The following GALNT9 variants were observed in gnomAD, a reference collection of about 807,000 sequenced individuals.
GALNT9 encodes the protein polypeptide N-acetylgalactosaminyltransferase 9, also known as GalNAc transferase 9.
In GALNT9, 47 loss-of-function variants were observed where a neutral mutation model predicts 63.1. The ratio of observed to expected loss-of-function variants is 0.75; its 90% CI spans 0.59 to 0.95. GALNT9 has a LOEUF of 0.95. Among genes scored for constraint, GALNT9 ranks in the 40% least tolerant of loss-of-function variants. GALNT9 has a pLI of 0.00. For missense variants in GALNT9, 829 were observed against 874.8 expected (o/e 0.95, Z 0.66); for synonymous variants, 396 against 365.7 (o/e 1.08, Z -0.94).
chr12:132,278,004 C>A (rs1367151084), intron 2 of GALNT9: 1 of 142,812 alleles, frequency 7.0e-6, no homozygotes, highest in Non-Finnish European at 1.5e-5. Flanking sequence ...GGCCCCCTCC[C>A]CCTCACTCCC....
intron 2 of GALNT9, among the ~76,000 whole-genome samples, chr12:132,269,102 C>A (rs1314803382): frequency 2.0e-5 from 3 of 152,236 alleles, no homozygotes; most frequent in Non-Finnish European, 2.9e-5. Context: ...AAGGCCTGAG[C>A]CCTGGAACCC....
At chr12:132,287,062 C>G (rs1555242264) in intron 1 of GALNT9, among the ~76,000 whole-genome samples, 1 of 14,064 alleles carries the variant, frequency 7.1e-5, no homozygotes, top group Non-Finnish European at 2.0e-4. Context: ...AGTGAGCGCC[C>G]CCCCCCCCCC....
At chr12:132,290,994 A>G (rs1555242671) in intron 1 of GALNT9, among the ~76,000 whole-genome samples, 2 of 53,014 alleles carry the variant, frequency 3.8e-5, no homozygotes, top group Non-Finnish European at 3.6e-5. Flanking sequence ...CAGCACCCAC[A>G]ACCACAGTGC....
intron 8 of GALNT9, among the ~76,000 whole-genome samples, chr12:132,199,649 C>G (rs1875844475): frequency 6.6e-6 from 1 of 152,106 alleles, no homozygotes; most frequent in East Asian, 1.9e-4. Flanking sequence ...CTGGCCTTGG[C>G]TTGGACCCTT....
At chr12:132,254,178 C>G (rs529158463) in intron 5 of GALNT9, among the ~76,000 whole-genome samples, 2 of 152,068 alleles carry the variant, frequency 1.3e-5, no homozygotes, top group African/African-American at 4.8e-5. Context: ...CCTGACACCA[C>G]GCCCTGCGAA....
chr12:132,272,203 C>A (rs543738418), intron 2 of GALNT9, among the ~76,000 whole-genome samples: 1 of 152,202 alleles, frequency 6.6e-6, no homozygotes, highest in Non-Finnish European at 1.5e-5. Context: ...CTGTTACGAG[C>A]GAGCAGAACC....
intron 6 of GALNT9, among the ~76,000 whole-genome samples, chr12:132,224,850 CCA>C (rs1346546964): frequency 3.4e-5 from 5 of 148,132 alleles, no homozygotes; most frequent in Admixed American, 1.3e-4. Flanking sequence ...AACCCACACT[CCA>C]CACACTGTAA....
chr12:132,196,670 A>G lies in GALNT9; in HGVS notation c.*437T>C. The stretch of plus-strand genomic sequence containing the variant: ...GACTTAGGTCTTGGTTGGAGGGCTG[A>G]GCGGCCGCAAGTGCTGGGGGAGGCT... On this transcript the variant is annotated 3_prime_UTR_variant, in exon 11 of 11. Transcript: ENST00000328957. The G allele has an allele frequency of 1.0e-6, 1 of 1,001,822 alleles. No individual in the cohort carries two copies. Among genetic ancestry groups the G allele is most frequent in the Non-Finnish European group, 1.2e-6 (1 of 840,446 alleles). The allele number at this position is 1,001,822 out of a possible 1,614,324, so 62.1% of individuals were successfully genotyped here.
chr12:132,243,381 C>T (rs117672936), intron 6 of GALNT9, among the ~76,000 whole-genome samples: 5 of 149,002 alleles, frequency 3.4e-5, no homozygotes, highest in Admixed American at 6.6e-5. Context: ...CAGTCCTCCC[C>T]GTCCTCCGGA....
intron 6 of GALNT9, among the ~76,000 whole-genome samples, chr12:132,243,254 C>G (rs1377657296): frequency 3.5e-5 from 5 of 141,388 alleles, no homozygotes; most frequent in Admixed American, 1.4e-4. Context: ...TCCCGGGGCC[C>G]TCCCTATACC....
At chr12:132,213,166 G>A (rs1370319571) in intron 6 of GALNT9, among the ~76,000 whole-genome samples, 4 of 38,166 alleles carry the variant, frequency 1.0e-4, no homozygotes, top group Admixed American at 2.6e-4. Flanking sequence ...ACCTCGACAC[G>A]GAAACCCCAC....
chr12:132,261,052 G>A lies in GALNT9; in HGVS notation c.657C>T (p.Asn219=). Residue 219 remains asparagine, a synonymous_variant, in exon 4 of 11, where the codon AAC becomes AAT. Transcript: ENST00000328957. ...CGCGGATCAGTCCTTCCCGCCGGCT[G>A]TTGCGGACAATCTTCACGAGGCCTG... ...RYPGLVKIVR[N]SRREGLIRAR... The A allele has an allele frequency of 1.3e-6, 2 of 1,551,514 alleles. No individual in the cohort carries two copies. The highest frequency in any genetic ancestry group is 1.7e-6 in the Non-Finnish European group (2 of 1,146,988).
At chr12:132,251,473 A>G (rs1320615804) in intron 5 of GALNT9, among the ~76,000 whole-genome samples, 2 of 152,054 alleles carry the variant, frequency 1.3e-5, no homozygotes, top group Admixed American at 6.5e-5. Context: ...TGGCTTGTCA[A>G]TGGGGTTGGG....
chr12:132,257,501 C>A (rs1160452989), intron 5 of GALNT9, among the ~76,000 whole-genome samples, 188 bp downstream of exon 5: 1,071 of 21,764 alleles, frequency 0.049, 14 homozygotes, highest in African/African-American at 0.11. Context: ...CGTCCTCATG[C>A]CCTCATCCCC....
chr12:132,281,192 C>T (rs927806644), intron 2 of GALNT9, among the ~76,000 whole-genome samples: 1 of 152,194 alleles, frequency 6.6e-6, no homozygotes, highest in Admixed American at 6.5e-5. Context: ...ATGGATAAGA[C>T]CCAGCGTCCA....
At chr12:132,204,157 C>T (rs555158543) in intron 6 of GALNT9, among the ~76,000 whole-genome samples, 1 of 78,280 alleles carries the variant, frequency 1.3e-5, no homozygotes, top group African/African-American at 3.7e-5. Context: ...AATCAAAAGC[C>T]CAACCAGCCT....
intron 2 of GALNT9, among the ~76,000 whole-genome samples, chr12:132,263,427 C>T (rs1485265496): frequency 1.3e-5 from 2 of 151,926 alleles, no homozygotes; most frequent in East Asian, 1.9e-4. Flanking sequence ...CGTCCTAGGA[C>T]GGACTGCAGG....
chr12:132,207,680 T>G (rs367894205), intron 6 of GALNT9, among the ~76,000 whole-genome samples: 1 of 152,198 alleles, frequency 6.6e-6, no homozygotes, highest in Non-Finnish European at 1.5e-5. Context: ...GCTGAGGACC[T>G]GTCACAGCCG....
chr12:132,311,731 G>C (rs1881818472), intron 1 of GALNT9, among the ~76,000 whole-genome samples: 1 of 152,098 alleles, frequency 6.6e-6, no homozygotes, highest in Non-Finnish European at 1.5e-5. Flanking sequence ...CACCCTGTTT[G>C]TAGTGAGGGA....
Sources: gnomAD v4.1 joint callset for allele counts (sites outside exome capture counted in the v4.1 genomes callset) on GRCh38, gnomAD v4.1.1 for gene constraint, MANE v1.5 for transcripts, NCBI Gene and HGNC (gene_info 2026-07-23, HGNC 2026-07-21) for gene names.